The following SFXN5 variants were observed in gnomAD, a reference collection of about 807,000 sequenced individuals.
SFXN5 encodes the protein sideroflexin 5.
Under a neutral mutation model 50.2 loss-of-function variants are expected in SFXN5, and 43 were observed. The ratio of observed to expected loss-of-function variants is 0.86; its 90% CI spans 0.67 to 1.11. SFXN5 has a LOEUF of 1.11. Among genes scored for constraint, SFXN5 ranks in the 50% least tolerant of loss-of-function variants. SFXN5 has a pLI of 0.00. For synonymous variants in SFXN5, 203 were observed against 185.8 expected (o/e 1.09, Z -0.75); for missense variants, 463 against 454.1 (o/e 1.02, Z -0.18).
At chr2:73,056,503 T>C (rs920988385) in intron 2 of SFXN5, among the ~76,000 whole-genome samples, 5 of 151,982 alleles carry the variant, frequency 3.3e-5, no homozygotes, top group African/African-American at 9.7e-5. Context: ...CTGACCAACA[T>C]GGAGAAACCC....
At chr2:73,048,637 A>G (rs1014021036) in intron 2 of SFXN5, among the ~76,000 whole-genome samples, 1 of 152,232 alleles carries the variant, frequency 6.6e-6, no homozygotes, top group Non-Finnish European at 1.5e-5. Context: ...GTATTTAGGA[A>G]CTACTACCAG....
At chr2:73,010,290 G>A (rs755945035) in intron 6 of SFXN5, among the ~76,000 whole-genome samples, 3 of 152,138 alleles carry the variant, frequency 2.0e-5, no homozygotes, top group Non-Finnish European at 4.4e-5. Context: ...TTCCCAAAAG[G>A]CTCCTTAAAG....
In SFXN5 at chr2:72,998,947, A is replaced by G; in HGVS notation, c.534+2T>C. On this transcript the variant is annotated splice_donor_variant, in intron 9 of 13. Transcript: ENST00000272433. LOFTEE classifies it high-confidence loss of function. ...AGAAGGAGCAGGGGAGGGAGTACTC[A>G]CAGCAATGGAGACGGCGCTGATGAC... is the stretch of plus-strand genomic sequence containing the variant. 1 of 1,613,914 alleles carries G rather than the reference A, an allele frequency of 6.2e-7. No homozygotes were observed. The highest frequency in any genetic ancestry group is 1.1e-5 in the South Asian group (1 of 90,974).
At chr2:73,040,784 G>A (rs1292210270) in intron 3 of SFXN5, 70 bp downstream of exon 3, 7 of 1,303,324 alleles carry the variant, frequency 5.4e-6, no homozygotes, top group East Asian at 2.3e-5. Context: ...TGGCTGCAGC[G>A]AAGGGTTTGT....
intron 11 of SFXN5, among the ~76,000 whole-genome samples, chr2:72,969,304 G>A (rs1353084036): frequency 1.3e-5 from 2 of 152,240 alleles, no homozygotes; most frequent in Non-Finnish European, 2.9e-5. Flanking sequence ...GGCCAGCATA[G>A]TCAGCTAGGG....
intron 9 of SFXN5, chr2:72,998,661 A>G (rs1333216390): frequency 4.6e-6 from 2 of 432,150 alleles, no homozygotes; most frequent in Admixed American, 7.6e-5. Flanking sequence ...TCTTCCGAGC[A>G]GAGTGCTGGG....
chr2:73,020,076 A>G, intron 6 of SFXN5, 163 bp downstream of exon 6: 1 of 642,136 alleles, frequency 1.6e-6, no homozygotes, highest in Non-Finnish European at 2.6e-6. Context: ...ATCAGCATCA[A>G]GAGATGTGGT....
At chr2:73,059,966 G>T in intron 1 of SFXN5, 1 of 706,352 alleles carries the variant, frequency 1.4e-6, no homozygotes, top group Non-Finnish European at 1.7e-6. Context: ...TGAATACTAT[G>T]CAGCCTTTAA....
intron 6 of SFXN5, among the ~76,000 whole-genome samples, chr2:73,016,409 T>C (rs2105798542): frequency 6.6e-6 from 1 of 152,296 alleles, no homozygotes; most frequent in South Asian, 2.1e-4. Context: ...ATTTTCAAGA[T>C]ATATCAAGTG....
chr2:73,007,817 T>C (rs1482634088), intron 6 of SFXN5, among the ~76,000 whole-genome samples: 1 of 152,206 alleles, frequency 6.6e-6, no homozygotes, highest in East Asian at 1.9e-4. Context: ...ATGTGGCTAA[T>C]GATCTGAAAG....
At chr2:72,965,538 T>C (rs750791508) in intron 12 of SFXN5, among the ~76,000 whole-genome samples, 10 of 152,062 alleles carry the variant, frequency 6.6e-5, no homozygotes, top group Non-Finnish European at 1.2e-4. Flanking sequence ...CCCTGTAACA[T>C]ACACCCACTG....
chr2:73,018,214 G>A (rs866012552), intron 6 of SFXN5, among the ~76,000 whole-genome samples: 12 of 129,722 alleles, frequency 9.3e-5, no homozygotes, highest in South Asian at 2.5e-4. Flanking sequence ...AAAGAAAAAA[G>A]AAAGAAAAAG....
intron 13 of SFXN5, among the ~76,000 whole-genome samples, chr2:72,956,368 CAT>C (rs1673087038): frequency 1.3e-5 from 2 of 152,212 alleles, no homozygotes; most frequent in African/African-American, 4.8e-5. Flanking sequence ...TTGGAAAAGA[CAT>C]AAACACTGAT....
chr2:72,998,644 G>A (rs1224661381), intron 9 of SFXN5: 8 of 391,780 alleles, frequency 2.0e-5, no homozygotes. Context: ...CGAGCATGAG[G>A]AGCAGCTCTT....
intron 13 of SFXN5, among the ~76,000 whole-genome samples, chr2:72,957,320 A>G (rs1673212678): frequency 6.6e-6 from 1 of 152,320 alleles, no homozygotes; most frequent in East Asian, 1.9e-4. Flanking sequence ...TATCTGGCAA[A>G]TGGTAGCCAT....
At chr2:73,070,003 G>A (rs1470122087) in intron 1 of SFXN5, among the ~76,000 whole-genome samples, 1 of 152,196 alleles carries the variant, frequency 6.6e-6, no homozygotes, top group Non-Finnish European at 1.5e-5. Context: ...CCACAGGGCA[G>A]ACTGTATGGA....
At chr2:73,062,325 A>T (rs1559221774) in intron 1 of SFXN5, among the ~76,000 whole-genome samples, 1 of 152,116 alleles carries the variant, frequency 6.6e-6, no homozygotes, top group African/African-American at 2.4e-5. Flanking sequence ...TGGGTGGGGT[A>T]GAGCTGGGCT....
Position 73,058,610 on chromosome 2 carries a change from T to C in SFXN5, c.103-14A>G. 1 of 1,613,192 alleles carries C rather than the reference T, an allele frequency of 6.2e-7. No individual in the cohort carries two copies. Among genetic ancestry groups the C allele is most frequent in the Non-Finnish European group, 8.5e-7 (1 of 1,179,258 alleles). On this transcript the variant is annotated splice_polypyrimidine_tract_variant and intron_variant, in intron 1 of 13. Transcript: ENST00000272433. ...ATAGAAGGACGTCTGAAGAAGAGGA[T>C]GAGAGAGAAGAGTGAATGGATCAGC...
rs983718673 is a variant in SFXN5, at chr2:72,961,832, G to C, written c.828-584C>G. Among the ~76,000 whole-genome samples the C allele has an allele frequency of 6.6e-6, 1 of 152,170 alleles. No homozygotes were observed. Among genetic ancestry groups the C allele is most frequent in the African/African-American group, 2.4e-5 (1 of 41,454 alleles). ...AGGGCAACAGAGGGTGCAATGACTC[G>C]TCCAAGGCCAAGTCTGCAGGAGGCT... On this transcript the variant is annotated intron_variant, in intron 12 of 13. Transcript: ENST00000272433. The surrounding 1 kb of genome is among the most constrained non-coding windows in gnomAD (Gnocchi z 4.4).
Sources: gnomAD v4.1 joint callset for allele counts (sites outside exome capture counted in the v4.1 genomes callset) on GRCh38, gnomAD v4.1.1 for gene constraint, Gnocchi (gnomAD v3.1) non-coding constraint, MANE v1.5 for transcripts, NCBI Gene and HGNC (gene_info 2026-07-23, HGNC 2026-07-21) for gene names.